The following DNAH14 variants were observed in gnomAD, a reference collection of about 807,000 sequenced individuals.
DNAH14 encodes the protein dynein axonemal heavy chain 14.
A neutral mutation model predicts 520.9 loss-of-function variants in DNAH14; 478 were observed. That is an observed-to-expected ratio of 0.92 (90% CI 0.85 to 0.99). The LOEUF (loss-of-function observed/expected upper bound fraction) is 0.99, where lower values mean the gene tolerates loss of function less well. Ranked by LOEUF, DNAH14 falls within the 50% of genes least tolerant of loss-of-function variation. The probability of loss-of-function intolerance (pLI) is 0.00; values close to 1 mark genes in which losing one functional copy is unlikely to be tolerated. For missense variants in DNAH14, 4,831 were observed against 5,234.5 expected (o/e 0.92, Z 2.38); for synonymous variants, 1,581 against 1,757.2 (o/e 0.90, Z 2.51).
intron 1 of DNAH14, among the ~76,000 whole-genome samples, chr1:224,944,523 G>A (rs1228610993): frequency 6.6e-6 from 1 of 151,858 alleles, no homozygotes; most frequent in African/African-American, 2.4e-5. Flanking sequence ...TGTGAATTTT[G>A]ATCCTGTCAT....
At chr1:225,051,865 A>G in intron 17 of DNAH14, 70 bp downstream of exon 17, 2 of 1,093,132 alleles carry the variant, frequency 1.8e-6, no homozygotes, top group Non-Finnish European at 2.5e-6. Flanking sequence ...TAAAATATGT[A>G]CTTAGAGAAT....
At chr1:224,965,225 G>C (rs1249023531) in intron 5 of DNAH14, among the ~76,000 whole-genome samples, 1 of 151,896 alleles carries the variant, frequency 6.6e-6, no homozygotes, top group African/African-American at 2.4e-5. Flanking sequence ...TGTTAGATAG[G>C]GAATTCTCAA....
chr1:225,104,827 A>G (rs1375884852), intron 23 of DNAH14, among the ~76,000 whole-genome samples: 1 of 151,992 alleles, frequency 6.6e-6, no homozygotes, highest in Non-Finnish European at 1.5e-5. Flanking sequence ...TGATCTTTTC[A>G]AAAAACCAGC....
At chr1:224,970,513 A>AT (rs1276431531) in intron 7 of DNAH14, among the ~76,000 whole-genome samples, 2 of 152,100 alleles carry the variant, frequency 1.3e-5, no homozygotes, top group African/African-American at 4.8e-5. Flanking sequence ...AAAATCACTA[A>AT]TAAAAACTTG....
chr1:225,091,822 G>A (rs529647216), intron 21 of DNAH14, among the ~76,000 whole-genome samples: 1 of 152,160 alleles, frequency 6.6e-6, no homozygotes, highest in African/African-American at 2.4e-5. Context: ...CTGTCTTCAA[G>A]AGACCCATCT....
intron 23 of DNAH14, among the ~76,000 whole-genome samples, chr1:225,106,980 ACT>A (rs2076114255): frequency 6.7e-6 from 1 of 149,800 alleles, no homozygotes; most frequent in South Asian, 2.1e-4. Flanking sequence ...CATTTTTTCT[ACT>A]CTGTTTTTTC....
At position 225,364,776 on chromosome 1, in the gene DNAH14, ATTT is replaced by A. The variant is rs1252774749; in HGVS notation, c.11988-12_11988-10del. The A allele has an allele frequency of 1.0e-5, 15 of 1,495,346 alleles. No individual in the cohort carries two copies. Among genetic ancestry groups the A allele is most frequent in the Non-Finnish European group, 1.3e-5 (15 of 1,119,078 alleles). 92.6% of individuals were successfully genotyped at this position (1,495,346 alleles called of 1,614,324 possible). ...ATTTTTCACATTAAAATATTTATAA[ATTT>A]TTTATTTTGCAGTTTTAATAGTCCA... is the stretch of plus-strand genomic sequence containing the variant. On this transcript the variant is annotated splice_polypyrimidine_tract_variant and intron_variant, in intron 75 of 85. Coordinates refer to ENST00000682510, the MANE Select transcript of DNAH14 (RefSeq NM_001367479.1).
chr1:225,351,012 G>T (rs2095357394), intron 71 of DNAH14, among the ~76,000 whole-genome samples: 1 of 152,122 alleles, frequency 6.6e-6, no homozygotes, highest in Non-Finnish European at 1.5e-5. Context: ...AAATTCAACA[G>T]CACATTAAGA....
intron 66 of DNAH14, among the ~76,000 whole-genome samples, chr1:225,335,841 A>G (rs554433427): frequency 9.2e-6 from 1 of 108,688 alleles, no homozygotes; most frequent in Non-Finnish European, 1.9e-5. Context: ...ACATATATGT[A>G]CATACACATA....
chr1:225,239,873 A>G (rs1399284201), intron 42 of DNAH14, among the ~76,000 whole-genome samples: 2 of 152,238 alleles, frequency 1.3e-5, no homozygotes, highest in Non-Finnish European at 2.9e-5. Flanking sequence ...TTCACAATTT[A>G]TAAATAGTTT....
At chr1:225,018,724 C>T (rs1162053942) in intron 10 of DNAH14, among the ~76,000 whole-genome samples, 1 of 152,140 alleles carries the variant, frequency 6.6e-6, no homozygotes, top group East Asian at 1.9e-4. Context: ...CCTTACAAGT[C>T]TACAGAGATT....
At chr1:225,153,877 A>G (rs1407729099) in intron 34 of DNAH14, 51 bp downstream of exon 34, 2 of 1,382,428 alleles carry the variant, frequency 1.4e-6, no homozygotes, top group Admixed American at 4.3e-5. Context: ...TACTGCTGGG[A>G]AAATAATTTG....
chr1:225,080,783 T>C, intron 19 of DNAH14, 35 bp downstream of exon 19: 1 of 1,475,780 alleles, frequency 6.8e-7, no homozygotes, highest in South Asian at 1.5e-5. Flanking sequence ...CCCACCTAGG[T>C]CTATATACCA....
At chr1:225,044,225 TTTCAGTTACA>T (rs1367230559) in intron 15 of DNAH14, among the ~76,000 whole-genome samples, 3 of 152,172 alleles carry the variant, frequency 2.0e-5, no homozygotes, top group Non-Finnish European at 2.9e-5. Context: ...GTTTGGATTT[TTTCAGTTACA>T]TTCTATAGAA....
intron 1 of DNAH14, among the ~76,000 whole-genome samples, chr1:224,941,691 T>C (rs2059429726): frequency 6.6e-6 from 1 of 152,312 alleles, no homozygotes; most frequent in South Asian, 2.1e-4. Flanking sequence ...TTATACCAGG[T>C]GTAAGGAAGG....
intron 35 of DNAH14, among the ~76,000 whole-genome samples, chr1:225,161,322 A>T (rs1361646982): frequency 6.6e-6 from 1 of 152,154 alleles, no homozygotes; most frequent in Admixed American, 6.6e-5. Context: ...GACCGGTTCC[A>T]TCTATGTTGT....
At chr1:224,936,860 A>G (rs2059073773) in intron 1 of DNAH14, among the ~76,000 whole-genome samples, 1 of 152,004 alleles carries the variant, frequency 6.6e-6, no homozygotes, top group Non-Finnish European at 1.5e-5. Flanking sequence ...CATTAAAAAA[A>G]TTATTCTCCA....
chr1:225,073,742 G>T (rs1169601690), intron 17 of DNAH14, among the ~76,000 whole-genome samples: 1 of 152,116 alleles, frequency 6.6e-6, no homozygotes, highest in Non-Finnish European at 1.5e-5. Context: ...CTGGAGTGCA[G>T]TGGCGCAATC....
At chr1:225,356,685 C>T (rs775208043) in intron 73 of DNAH14, among the ~76,000 whole-genome samples, 2 of 152,034 alleles carry the variant, frequency 1.3e-5, no homozygotes, top group African/African-American at 2.4e-5. Flanking sequence ...CTAGAAGGAG[C>T]CACAAGAAAC....
Sources: gnomAD v4.1 joint callset for allele counts (sites outside exome capture counted in the v4.1 genomes callset) on GRCh38, gnomAD v4.1.1 for gene constraint, MANE v1.5 for transcripts, NCBI Gene and HGNC (gene_info 2026-07-23, HGNC 2026-07-21) for gene names.